Variants in LRRC28 observed in about 807,000 individuals in gnomAD.
The protein encoded by LRRC28 is leucine rich repeat containing 28, also known as leucine-rich repeat-containing protein 28.
Under a neutral mutation model 45.7 loss-of-function variants are expected in LRRC28, and 39 were observed. That is an observed-to-expected ratio of 0.85 (90% CI 0.66 to 1.12). The LOEUF (loss-of-function observed/expected upper bound fraction) is 1.12. Ranked by LOEUF, LRRC28 falls within the 50% of genes most tolerant of loss-of-function variation. The probability of loss-of-function intolerance (pLI) is 0.00; values close to 1 mark genes in which losing one functional copy is unlikely to be tolerated. For missense variants in LRRC28, 435 were observed against 438.5 expected, an observed-to-expected ratio of 0.99 and a Z score of 0.07; for synonymous variants, 206 against 178.8, an observed-to-expected ratio of 1.15 and a Z score of -1.22.
chr15:99,327,328 C>A (rs1956018189), intron 5 of LRRC28, among the ~76,000 whole-genome samples: 1 of 152,100 alleles, frequency 6.6e-6, no homozygotes, highest in Non-Finnish European at 1.5e-5. Context: ...ACCCACCTCC[C>A]AAAATGCTGG....
At chr15:99,320,082 C>T (rs2152276231) in intron 5 of LRRC28, among the ~76,000 whole-genome samples, 1 of 152,290 alleles carries the variant, frequency 6.6e-6, no homozygotes, top group Admixed American at 6.5e-5. Context: ...GCTGGGATTA[C>T]AGGCGTGAGC....
rs895997137 is a variant in LRRC28, at chr15:99,388,771, A to G, written c.*2669A>G. 19 of 152,240 alleles carry G rather than the reference A, an allele frequency of 1.2e-4. No homozygotes were observed. Among genetic ancestry groups the G allele is most frequent in the African/African-American group, 4.6e-4 (19 of 41,444 alleles). The allele number at this position is 152,240 out of a possible 1,614,324, so 9.4% of individuals were successfully genotyped here. A position where few individuals can be genotyped will look rare whatever the true frequency, so the allele number is the denominator to read the frequency against. ...CAATAATAGTAATGCAAAAAAAGTGAGCTACTTGGAAAGTATCATCTCTGT... is the reference window on the plus strand; with the variant it reads ...CAATAATAGTAATGCAAAAAAAGTGGGCTACTTGGAAAGTATCATCTCTGT... On this transcript the variant is annotated 3_prime_UTR_variant, in exon 10 of 10. Transcript: ENST00000301981.
At position 99,285,493 on chromosome 15, in the gene LRRC28, C is replaced by T. The variant is rs1246315245; in HGVS notation, c.210-1764C>T. 2.9e-6 allele frequency: 3 copies of T among 1,049,488 alleles called. No homozygotes were observed. In the African/African-American group the frequency reaches 4.7e-5, roughly 16 times the overall value. The allele number at this position is 1,049,488 out of a possible 1,614,324, so 65.0% of individuals were successfully genotyped here. Reference sequence around the variant, plus strand: ...CCATTGCTCAGAGTGACTCCTCAGGCTCTCATCGGTTGTTTCAAAGCTCAG... The same window carrying T: ...CCATTGCTCAGAGTGACTCCTCAGGTTCTCATCGGTTGTTTCAAAGCTCAG... On this transcript the variant is annotated intron_variant, in intron 3 of 9. Transcript: ENST00000301981.
At chr15:99,259,832 A>C (rs1230555732) in intron 2 of LRRC28, 10 of 856,396 alleles carry the variant, frequency 1.2e-5, no homozygotes, top group Non-Finnish European at 1.8e-5. Context: ...GCATATGGAG[A>C]TAGAATAGAA....
At chr15:99,297,181 CAAAAA>C (rs71149459) in intron 5 of LRRC28, 3 of 103,484 alleles carry the variant, frequency 2.9e-5, no homozygotes, top group Non-Finnish European at 4.0e-5. Flanking sequence ...AACTCTGTCT[CAAAAA>C]AAAAAAAAAA....
rs1332277773 is a variant in LRRC28, at chr15:99,287,239, T to G, written c.210-18T>G. On this transcript the variant is annotated intron_variant, in intron 3 of 9. Coordinates refer to ENST00000301981, the MANE Select transcript of LRRC28 (RefSeq NM_144598.5). ...GTACTTAATGATAATGGCTGTTTTT[T>G]TTCTTTTTCCTTCCTAGATACCTGC... 6.4e-7 allele frequency: 1 copy of G among 1,569,252 alleles called. No homozygotes were observed. The highest frequency in any genetic ancestry group is 8.6e-7 in the Non-Finnish European group (1 of 1,160,738).
chr15:99,319,009 T>C (rs1185766909), intron 5 of LRRC28, among the ~76,000 whole-genome samples: 1 of 152,172 alleles, frequency 6.6e-6, no homozygotes, highest in African/African-American at 2.4e-5. Flanking sequence ...CTTCCTGTTT[T>C]GAATTTGGAA....
intron 1 of LRRC28, among the ~76,000 whole-genome samples, chr15:99,252,615 ATGTCTAT>A (rs1885641088): frequency 6.6e-6 from 1 of 152,198 alleles, no homozygotes; most frequent in Non-Finnish European, 1.5e-5. Context: ...GGGCTACATA[ATGTCTAT>A]TGCAGTGCAT....
Position 99,388,456 on chromosome 15 carries a change from C to G in LRRC28, c.*2354C>G, listed in dbSNP as rs1344842824. 1 of 152,238 alleles carries G rather than the reference C, an allele frequency of 6.6e-6. No individual in the cohort carries two copies. The highest frequency in any genetic ancestry group is 6.5e-5 in the Admixed American group (1 of 15,292). 9.4% of individuals were successfully genotyped at this position (152,238 alleles called of 1,614,324 possible). On this transcript the variant is annotated 3_prime_UTR_variant, in exon 10 of 10. Transcript: ENST00000301981. The stretch of plus-strand genomic sequence containing the variant: ...AACAGCAGTGGGCTGGGCAGACAAC[C>G]TTTGGGCAGTCTCAACCTTAATCCT...
chr15:99,259,755 C>G, intron 2 of LRRC28: 1 of 1,399,220 alleles, frequency 7.1e-7, no homozygotes, highest in Non-Finnish European at 1.0e-6. Flanking sequence ...TTGGATCTTG[C>G]TGTGGTTTTG....
chr15:99,273,450 G>A (rs573682431), intron 2 of LRRC28, among the ~76,000 whole-genome samples: 2 of 149,150 alleles, frequency 1.3e-5, no homozygotes, highest in South Asian at 2.1e-4. Context: ...TGTTAGACAG[G>A]ATGGTCTTGA....
At chr15:99,356,407 A>C (rs1428228026) in intron 7 of LRRC28, among the ~76,000 whole-genome samples, 3 of 152,242 alleles carry the variant, frequency 2.0e-5, no homozygotes, top group African/African-American at 7.2e-5. Flanking sequence ...GAAGTAAAAA[A>C]TTAACTTGAT....
chr15:99,263,108 A>G (rs956603645), intron 2 of LRRC28, among the ~76,000 whole-genome samples: 1 of 150,584 alleles, frequency 6.6e-6, no homozygotes, highest in Non-Finnish European at 1.5e-5. Context: ...TCAGGAGTTC[A>G]AGACCAGCCT....
chr15:99,297,550 A>G (rs929333744), intron 5 of LRRC28, among the ~76,000 whole-genome samples: 12 of 151,262 alleles, frequency 7.9e-5, no homozygotes, highest in Non-Finnish European at 1.3e-4. Context: ...GGTGTGAGTC[A>G]TCATGCCTGG....
At chr15:99,362,557 C>T (rs909851285) in intron 8 of LRRC28, among the ~76,000 whole-genome samples, 4 of 152,214 alleles carry the variant, frequency 2.6e-5, no homozygotes, top group Non-Finnish European at 4.4e-5. Context: ...GGGAAGGAAG[C>T]TCCCTGCTTT....
rs539647709 is a variant in LRRC28 at position 99,387,244 on chromosome 15, T to A, written c.*1142T>A. The A allele has an allele frequency of 1.3e-5, 2 of 150,254 alleles. No homozygotes were observed. The highest frequency in any genetic ancestry group is 4.9e-5 in the African/African-American group (2 of 40,748). The allele number at this position is 150,254 out of a possible 1,614,324, so 9.3% of individuals were successfully genotyped here. A position where few individuals can be genotyped will look rare whatever the true frequency, so the allele number is the denominator to read the frequency against. On this transcript the variant is annotated 3_prime_UTR_variant, in exon 10 of 10. Coordinates refer to ENST00000301981, the MANE Select transcript of LRRC28 (RefSeq NM_144598.5). ...CCCGGCTAATTTTTTGTATTTTTAG[T>A]AGAGACGGGGTTTCACCGTGTTAGC...
intron 6 of LRRC28, among the ~76,000 whole-genome samples, chr15:99,343,334 A>C (rs1395387429): frequency 6.6e-6 from 1 of 152,234 alleles, no homozygotes; most frequent in African/African-American, 2.4e-5. Context: ...CTGTCATTCC[A>C]TGCTTGCTTT....
chr15:99,328,499 CAT>C (rs1956056656), intron 5 of LRRC28, among the ~76,000 whole-genome samples: 1 of 151,988 alleles, frequency 6.6e-6, no homozygotes, highest in African/African-American at 2.4e-5. Flanking sequence ...TAAGGAGACA[CAT>C]GAGTGCCAGG....
At chr15:99,359,905 T>A (rs2152324903) in intron 7 of LRRC28, among the ~76,000 whole-genome samples, 1 of 152,340 alleles carries the variant, frequency 6.6e-6, no homozygotes, top group South Asian at 2.1e-4. Context: ...TGATATTCCA[T>A]ACCTCTTCTG....
Sources: gnomAD v4.1 joint callset for allele counts (sites outside exome capture counted in the v4.1 genomes callset) on GRCh38, gnomAD v4.1.1 for gene constraint, MANE v1.5 for transcripts, NCBI Gene and HGNC (gene_info 2026-07-23, HGNC 2026-07-21) for gene names.